NELL1: variants seen among roughly 807,000 people sequenced by gnomAD.
NELL1 encodes neural EGFL like 1, also known as protein kinase C-binding protein NELL1.
NELL1 carries 76 observed loss-of-function variants against 107.4 expected under a neutral mutation model. The observed-to-expected ratio is 0.71, with a 90% CI of 0.59 to 0.86. NELL1 has a LOEUF of 0.86. Among genes scored for constraint, NELL1 ranks in the 40% least tolerant of loss-of-function variants. The pLI is 0.00. For synonymous variants in NELL1, 353 were observed against 341.2 expected (o/e 1.03, Z -0.38); for missense variants, 1,024 against 1,005.5 (o/e 1.02, Z -0.25).
chr11:20,947,223 A>C lies in NELL1; in HGVS notation c.1072-113A>C, dbSNP rs2134198257. On this transcript the variant is annotated intron_variant, in intron 10 of 19. Transcript: ENST00000357134. ...CGTTTTTAGTGGAATCCCTGGGAGT[A>C]TTAATTATTGTATGTTGTTATCACT... The C allele has an allele frequency of 4.4e-6, 3 of 677,278 alleles. No homozygotes were observed. In the South Asian group the frequency reaches 5.4e-5, roughly 12 times the overall value. The allele number at this position is 677,278 out of a possible 1,614,324, so 42.0% of individuals were successfully genotyped here.
intron 12 of NELL1, among the ~76,000 whole-genome samples, chr11:20,969,163 C>T (rs1240185627): frequency 6.6e-6 from 1 of 152,094 alleles, no homozygotes; most frequent in African/African-American, 2.4e-5. Flanking sequence ...TTAACCATGC[C>T]CTTTTCACTT....
At chr11:21,467,166 C>G (rs915928489) in intron 15 of NELL1, among the ~76,000 whole-genome samples, 2 of 152,046 alleles carry the variant, frequency 1.3e-5, no homozygotes, top group Non-Finnish European at 1.5e-5. Context: ...TGGAGTCAGG[C>G]AGCCTGGCTT....
At chr11:21,334,994 T>A (rs753876672) in intron 14 of NELL1, among the ~76,000 whole-genome samples, 5 of 151,932 alleles carry the variant, frequency 3.3e-5, no homozygotes, top group African/African-American at 9.7e-5. Flanking sequence ...TCTCTTTGCG[T>A]CAACAGAATT....
chr11:21,421,755 A>G (rs1852677889), intron 15 of NELL1, among the ~76,000 whole-genome samples: 1 of 152,184 alleles, frequency 6.6e-6, no homozygotes, highest in Non-Finnish European at 1.5e-5. Context: ...AAAACTCCCC[A>G]AGTTTGATAA....
intron 16 of NELL1, among the ~76,000 whole-genome samples, chr11:21,543,334 T>C (rs1038717700): frequency 6.6e-6 from 1 of 152,008 alleles, no homozygotes; most frequent in Non-Finnish European, 1.5e-5. Context: ...ACCATGGAAC[T>C]GTAAGGAATC....
chr11:21,020,805 C>T (rs1288418982), intron 12 of NELL1, among the ~76,000 whole-genome samples: 2 of 151,856 alleles, frequency 1.3e-5, no homozygotes, highest in Non-Finnish European at 2.9e-5. Flanking sequence ...CCTTTCATTC[C>T]CTTTCCTGCT....
At chr11:21,475,759 A>G (rs1854315653) in intron 15 of NELL1, among the ~76,000 whole-genome samples, 1 of 152,200 alleles carries the variant, frequency 6.6e-6, no homozygotes, top group African/African-American at 2.4e-5. Flanking sequence ...GTTTGTTAGC[A>G]TAGCAAAAGT....
At chr11:21,461,875 C>T (rs1007947412) in intron 15 of NELL1, among the ~76,000 whole-genome samples, 2 of 152,022 alleles carry the variant, frequency 1.3e-5, no homozygotes, top group African/African-American at 2.4e-5. Flanking sequence ...CTGGAAACTA[C>T]AAAACAGCCC....
intron 12 of NELL1, among the ~76,000 whole-genome samples, chr11:20,963,465 G>A (rs1208122593): frequency 6.6e-6 from 1 of 152,076 alleles, no homozygotes; most frequent in African/African-American, 2.4e-5. Context: ...AACCAAAAGA[G>A]CTTTGCTGGT....
At chr11:20,796,267 A>C (rs529712549) in intron 3 of NELL1, among the ~76,000 whole-genome samples, 112 of 152,316 alleles carry the variant, frequency 7.4e-4, no homozygotes, top group Admixed American at 1.6e-3. Context: ...TTCCTAAAAA[A>C]GCATGTTTAC....
At chr11:21,324,854 T>C (rs1012054199) in intron 14 of NELL1, among the ~76,000 whole-genome samples, 6 of 152,074 alleles carry the variant, frequency 3.9e-5, no homozygotes, top group Non-Finnish European at 7.4e-5. Flanking sequence ...TTGAAAACAC[T>C]GACTCTTCAC....
intron 2 of NELL1, among the ~76,000 whole-genome samples, chr11:20,690,997 A>T (rs926134472): frequency 1.2e-4 from 19 of 152,088 alleles, no homozygotes; most frequent in African/African-American, 4.6e-4. Context: ...GAGGTCCTTC[A>T]CGTCCCTTTT....
intron 13 of NELL1, among the ~76,000 whole-genome samples, chr11:21,220,474 G>C (rs1031594106): frequency 6.6e-6 from 1 of 152,012 alleles, no homozygotes; most frequent in African/African-American, 2.4e-5. Context: ...AGTATGGTTT[G>C]TTTAACAATA....
At chr11:21,034,442 T>C (rs531712808) in intron 12 of NELL1, among the ~76,000 whole-genome samples, 6 of 152,296 alleles carry the variant, frequency 3.9e-5, no homozygotes, top group Admixed American at 2.0e-4. Context: ...TAACAGAATA[T>C]ACATTCTTCT....
chr11:21,306,167 T>A (rs1849600663), intron 14 of NELL1, among the ~76,000 whole-genome samples: 2 of 151,970 alleles, frequency 1.3e-5, no homozygotes, highest in Admixed American at 1.3e-4. Context: ...CATTTGGATA[T>A]CACACTCAGA....
At chr11:21,188,144 G>C (rs1856972607) in intron 13 of NELL1, among the ~76,000 whole-genome samples, 1 of 151,824 alleles carries the variant, frequency 6.6e-6, no homozygotes, top group Non-Finnish European at 1.5e-5. Context: ...GAAGGGGAAA[G>C]GTAAAAATCA....
chr11:20,716,381 A>G (rs1023269988), intron 2 of NELL1, among the ~76,000 whole-genome samples: 2 of 152,268 alleles, frequency 1.3e-5, no homozygotes, highest in Non-Finnish European at 2.9e-5. Flanking sequence ...ATTAGCAACA[A>G]CCCTGTAGCT....
intron 2 of NELL1, among the ~76,000 whole-genome samples, chr11:20,748,631 T>C (rs909403495): frequency 9.2e-5 from 14 of 152,204 alleles, no homozygotes; most frequent in African/African-American, 2.9e-4. Flanking sequence ...ATAGCTTATC[T>C]CTCACTTATA....
At chr11:21,484,299 G>A (rs1320962590) in intron 15 of NELL1, among the ~76,000 whole-genome samples, 2 of 150,896 alleles carry the variant, frequency 1.3e-5, no homozygotes, top group African/African-American at 4.9e-5. Context: ...CTTATGCCCC[G>A]AGAAACCACC....
Sources: gnomAD v4.1 joint callset for allele counts (sites outside exome capture counted in the v4.1 genomes callset) on GRCh38, gnomAD v4.1.1 for gene constraint, MANE v1.5 for transcripts, NCBI Gene and HGNC (gene_info 2026-07-23, HGNC 2026-07-21) for gene names.